The following PHKB variants were observed in gnomAD, a reference collection of about 807,000 sequenced individuals.
The protein encoded by PHKB is phosphorylase kinase regulatory subunit beta, also known as phosphorylase b kinase regulatory subunit beta.
Under a neutral mutation model 152.1 loss-of-function variants are expected in PHKB, and 122 were observed. That is an observed-to-expected ratio of 0.80 (90% CI 0.69 to 0.93). The LOEUF is 0.93. Ranked by LOEUF, PHKB falls within the 40% of genes least tolerant of loss-of-function variation. The pLI is 0.00. For missense variants in PHKB, 1,304 were observed against 1,328.4 expected (o/e 0.98, Z 0.29); for synonymous variants, 436 against 464.9 (o/e 0.94, Z 0.80).
At chr16:47,688,078 G>A (rs1005195385) in intron 26 of PHKB, among the ~76,000 whole-genome samples, 1 of 152,214 alleles carries the variant, frequency 6.6e-6, no homozygotes, top group African/African-American at 2.4e-5. Context: ...TCAAGGAAGT[G>A]TATGAAGAGA....
At chr16:47,567,313 T>C (rs1399723726) in intron 7 of PHKB, among the ~76,000 whole-genome samples, 7 of 151,988 alleles carry the variant, frequency 4.6e-5, no homozygotes, top group Non-Finnish European at 1.0e-4. Context: ...CTATTGTAAA[T>C]GGGATTGAGT....
intron 4 of PHKB, among the ~76,000 whole-genome samples, chr16:47,508,442 A>C (rs779624469): frequency 5.9e-5 from 9 of 152,292 alleles, no homozygotes; most frequent in Middle Eastern, 3.4e-3. Flanking sequence ...CTATCTACTG[A>C]AAATTTTTTT....
chr16:47,648,419 G>T (rs539564444), intron 16 of PHKB, 114 bp from the exon 17 acceptor site: 1 of 798,946 alleles, frequency 1.3e-6, no homozygotes, highest in South Asian at 1.4e-5. Context: ...TTGGATTAGG[G>T]TTCCCTAGCT....
chr16:47,610,850 A>G lies in PHKB; in HGVS notation c.1388A>G (p.Asp463Gly). Residue 463 changes from aspartate (D) to glycine (G), a missense_variant, in exon 14 of 31, where the codon GAC becomes GGC. Transcript: ENST00000323584. ...GCTGATGAACTTATTAGTCCTAAAG[A>G]CATTGATCCTGTCCAGCGCTATGTC... ...LLADELISPK[D>G]IDPVQRYVPL... 1.2e-6 allele frequency: 2 copies of G among 1,607,368 alleles called. No homozygotes were observed. The highest frequency in any genetic ancestry group is 1.7e-6 in the Non-Finnish European group (2 of 1,173,934).
chr16:47,598,302 A>G (rs1389012017), intron 13 of PHKB, among the ~76,000 whole-genome samples: 1 of 152,178 alleles, frequency 6.6e-6, no homozygotes, highest in African/African-American at 2.4e-5. Flanking sequence ...CTTCCAGATA[A>G]CTTGAAAAAT....
chr16:47,617,241 T>G (rs980762944), intron 14 of PHKB, among the ~76,000 whole-genome samples: 1 of 147,960 alleles, frequency 6.8e-6, no homozygotes, highest in Non-Finnish European at 1.5e-5. Context: ...GTATATAAAA[T>G]ATATAATATT....
intron 2 of PHKB, among the ~76,000 whole-genome samples, chr16:47,498,328 T>C (rs1327459267): frequency 6.6e-6 from 1 of 152,226 alleles, no homozygotes; most frequent in East Asian, 1.9e-4. Flanking sequence ...GACTAATTTT[T>C]TACACTGGGA....
At chr16:47,465,317 A>C (rs1256874702) in intron 1 of PHKB, among the ~76,000 whole-genome samples, 2 of 152,214 alleles carry the variant, frequency 1.3e-5, no homozygotes, top group Non-Finnish European at 2.9e-5. Context: ...GGTTTTAAGC[A>C]CTAGCACAGT....
chr16:47,576,088 CAA>C (rs1971744970), intron 7 of PHKB, among the ~76,000 whole-genome samples: 1 of 151,912 alleles, frequency 6.6e-6, no homozygotes. Flanking sequence ...AAAAACAAAA[CAA>C]AACAAAACAA....
At position 47,474,287 on chromosome 16, in the gene PHKB, A is replaced by T. The variant is rs544454237; in HGVS notation, c.76+12861A>T. On this transcript the variant is annotated intron_variant, in intron 1 of 30. Coordinates refer to ENST00000323584, the MANE Select transcript of PHKB (RefSeq NM_000293.3). ...CTCCTTTTTGGCAATTTAAGATTCAAGTCTTGTAGCTCAGGACTGAAATAG... is the reference window on the plus strand; with the variant it reads ...CTCCTTTTTGGCAATTTAAGATTCATGTCTTGTAGCTCAGGACTGAAATAG... 2.6e-5 allele frequency among the ~76,000 whole-genome samples: 4 copies of T among 152,330 alleles called. No homozygotes were observed. The East Asian group carries it at 7.7e-4, about 29-fold the overall frequency.
intron 20 of PHKB, among the ~76,000 whole-genome samples, chr16:47,657,298 C>T (rs3785336): frequency 0.011 from 1,676 of 152,044 alleles, 52 homozygotes; most frequent in East Asian, 0.097. Context: ...TATTGTGCTC[C>T]GACTGTAGGC....
intron 6 of PHKB, among the ~76,000 whole-genome samples, chr16:47,534,146 C>T (rs538194557): frequency 7.9e-5 from 12 of 152,344 alleles, no homozygotes; most frequent in Non-Finnish European, 1.3e-4. Flanking sequence ...GCATGCAGCC[C>T]GGGTGTACCT....
At chr16:47,624,409 A>G (rs1972672977) in intron 14 of PHKB, among the ~76,000 whole-genome samples, 1 of 152,230 alleles carries the variant, frequency 6.6e-6, no homozygotes. Flanking sequence ...CTTGTACTTA[A>G]GTCAAAATTG....
chr16:47,530,476 C>G (rs934699171), intron 6 of PHKB, among the ~76,000 whole-genome samples: 1 of 152,122 alleles, frequency 6.6e-6, no homozygotes, highest in Non-Finnish European at 1.5e-5. Context: ...TAACATTGTA[C>G]AGGTGACCTA....
At chr16:47,693,189 C>T (rs1974092053) in intron 27 of PHKB, among the ~76,000 whole-genome samples, 189 bp from the exon 28 acceptor site, 1 of 152,186 alleles carries the variant, frequency 6.6e-6, no homozygotes, top group African/African-American at 2.4e-5. Flanking sequence ...GAGACTTCCT[C>T]CTGTCCTGCC....
In PHKB at chr16:47,580,115, A is replaced by G. The variant is rs1971817062; in HGVS notation, c.711-180A>G. Among the ~76,000 whole-genome samples the G allele has an allele frequency of 1.3e-5, 2 of 152,164 alleles. 1 individual carries two copies. The highest frequency in any genetic ancestry group is 4.1e-4 in the South Asian group (2 of 4,834). On this transcript the variant is annotated intron_variant, in intron 7 of 30. Coordinates refer to ENST00000323584, the MANE Select transcript of PHKB (RefSeq NM_000293.3). Reference sequence around the variant, plus strand: ...TATTTTTCCCAGGTGATCACTAACTATAAAAAAGAAAAATTAAAATAGTGA... The same window carrying G: ...TATTTTTCCCAGGTGATCACTAACTGTAAAAAAGAAAAATTAAAATAGTGA...
At chr16:47,547,574 T>C in intron 7 of PHKB, 26 bp downstream of exon 7, 1 of 1,249,222 alleles carries the variant, frequency 8.0e-7, no homozygotes, top group Non-Finnish European at 1.2e-6. Flanking sequence ...CTGAGGTTTT[T>C]TTTTTAAATT....
intron 14 of PHKB, among the ~76,000 whole-genome samples, chr16:47,626,680 G>T (rs1972716038): frequency 6.6e-6 from 1 of 152,174 alleles, no homozygotes; most frequent in Non-Finnish European, 1.5e-5. Flanking sequence ...CCACTAACTT[G>T]TAAAGGGACC....
rs1020933857 is a variant in PHKB at position 47,587,000 on chromosome 16, T to A, written c.775-668T>A. 4.6e-5 allele frequency among the ~76,000 whole-genome samples: 7 copies of A among 152,156 alleles called. No individual in the cohort carries two copies. The East Asian group carries it at 1.3e-3, about 29-fold the overall frequency. On this transcript the variant is annotated intron_variant, in intron 8 of 30. Transcript: ENST00000323584. ...TATATGGGGGAATTGTATAATCTAG[T>A]GTTTAAAGAATGGGCCTCTGTGTCA...
Sources: allele counts gnomAD v4.1 joint callset (sites outside exome capture counted in the v4.1 genomes callset), GRCh38; gene constraint gnomAD v4.1.1; transcripts MANE v1.5; gene names NCBI Gene and HGNC (gene_info 2026-07-23, HGNC 2026-07-21).